GRIK2: variants seen among roughly 807,000 people sequenced by gnomAD.
GRIK2 encodes glutamate ionotropic receptor kainate type subunit 2, also known as glutamate receptor ionotropic, kainate 2.
In GRIK2, 32 loss-of-function variants were observed where a neutral mutation model predicts 100.3. The ratio of observed to expected loss-of-function variants is 0.32; its 90% CI spans 0.24 to 0.43. The LOEUF (loss-of-function observed/expected upper bound fraction) is 0.43. Ranked by LOEUF, GRIK2 falls within the 20% of genes least tolerant of loss-of-function variation. The probability of loss-of-function intolerance (pLI) is 1.00; values close to 1 mark genes in which losing one functional copy is unlikely to be tolerated. For missense variants in GRIK2, 843 were observed against 1,114.9 expected, an observed-to-expected ratio of 0.76 and a Z score of 3.47; for synonymous variants, 417 against 389.4, an observed-to-expected ratio of 1.07 and a Z score of -0.83.
intron 2 of GRIK2, among the ~76,000 whole-genome samples, chr6:101,423,982 A>T (rs1472625105): frequency 6.6e-6 from 1 of 152,144 alleles, no homozygotes; most frequent in Admixed American, 6.6e-5. Context: ...GGGAGTGGTA[A>T]ATGTCTACAG....
At chr6:101,869,925 T>C (rs1255163648) in intron 11 of GRIK2, among the ~76,000 whole-genome samples, 2 of 152,020 alleles carry the variant, frequency 1.3e-5, no homozygotes, top group Non-Finnish European at 2.9e-5. Flanking sequence ...ATTTTGGTTT[T>C]ATTATATCTG....
chr6:101,941,326 G>A (rs188567134), intron 14 of GRIK2, among the ~76,000 whole-genome samples: 267 of 152,146 alleles, frequency 1.8e-3, no homozygotes, highest in African/African-American at 6.1e-3. Flanking sequence ...TAAAGAATAA[G>A]AGAGTCTGGA....
chr6:101,867,764 TA>T (rs1427200447), intron 11 of GRIK2, among the ~76,000 whole-genome samples: 1 of 151,240 alleles, frequency 6.6e-6, no homozygotes, highest in Non-Finnish European at 1.5e-5. Context: ...TATTTATATA[TA>T]TTTTTAAATT....
Position 101,986,122 on chromosome 6 carries a change from C to A in GRIK2, c.2086-49219C>A, listed in dbSNP as rs1220957607. On this transcript the variant is annotated intron_variant, in intron 14 of 16. Coordinates refer to ENST00000369134, the MANE Select transcript of GRIK2 (RefSeq NM_021956.5). Reference sequence around the variant, plus strand: ...CTTGCAAATTAGCAATTAAATTGAACTAGATGCACTCGTGATGTGATTTAA... The same window carrying A: ...CTTGCAAATTAGCAATTAAATTGAAATAGATGCACTCGTGATGTGATTTAA... 4.6e-5 allele frequency among the ~76,000 whole-genome samples: 7 copies of A among 151,732 alleles called. No homozygotes were observed. The South Asian group carries it at 8.3e-4, about 18-fold the overall frequency.
intron 2 of GRIK2, among the ~76,000 whole-genome samples, chr6:101,578,699 T>C (rs1302399396): frequency 6.6e-6 from 1 of 152,122 alleles, no homozygotes; most frequent in African/African-American, 2.4e-5. Context: ...CACCTGAATA[T>C]TCCTCTTTGG....
chr6:101,539,254 A>G (rs1450176256), intron 2 of GRIK2, among the ~76,000 whole-genome samples: 1 of 151,798 alleles, frequency 6.6e-6, no homozygotes, highest in African/African-American at 2.4e-5. Context: ...TATAACTACC[A>G]GATTGTAATA....
intron 2 of GRIK2, among the ~76,000 whole-genome samples, chr6:101,413,053 A>T (rs1457696026): frequency 6.6e-6 from 1 of 152,082 alleles, no homozygotes; most frequent in Non-Finnish European, 1.5e-5. Context: ...TTTAAAATAC[A>T]AAACTAGGAT....
chr6:101,480,855 T>C (rs775804827), intron 2 of GRIK2, among the ~76,000 whole-genome samples: 2 of 152,102 alleles, frequency 1.3e-5, no homozygotes, highest in Non-Finnish European at 2.9e-5. Flanking sequence ...ATGACAAATA[T>C]TGGTAAAGAA....
intron 10 of GRIK2, among the ~76,000 whole-genome samples, chr6:101,837,235 G>A (rs1783187108): frequency 6.6e-6 from 1 of 152,136 alleles, no homozygotes; most frequent in Non-Finnish European, 1.5e-5. Context: ...ATGAAACCCA[G>A]ACAGTATTGT....
chr6:101,675,081 A>C (rs1194097371), intron 4 of GRIK2, among the ~76,000 whole-genome samples: 1 of 152,222 alleles, frequency 6.6e-6, no homozygotes, highest in East Asian at 1.9e-4. Context: ...ATTGTTAACT[A>C]TAGTAATCCT....
intron 12 of GRIK2, among the ~76,000 whole-genome samples, chr6:101,902,770 CTT>C (rs1291512696): frequency 6.6e-6 from 1 of 151,746 alleles, no homozygotes; most frequent in Non-Finnish European, 1.5e-5. Flanking sequence ...GAATAAAACT[CTT>C]TAAGATAATT....
At chr6:101,412,874 GA>G (rs1303657024) in intron 2 of GRIK2, among the ~76,000 whole-genome samples, 2 of 151,660 alleles carry the variant, frequency 1.3e-5, no homozygotes, top group African/African-American at 2.4e-5. Flanking sequence ...TGTAGAATGT[GA>G]AAAAAAATTC....
Position 102,029,222 on chromosome 6 carries a change from A to G in GRIK2, c.2086-6119A>G, listed in dbSNP as rs1430978287. 2.0e-5 allele frequency among the ~76,000 whole-genome samples: 3 copies of G among 151,052 alleles called. 1 individual carries two copies. The highest frequency in any genetic ancestry group is 7.3e-5 in the African/African-American group (3 of 41,262). Reference sequence around the variant, plus strand: ...CTGATCAGCTTAGTCCTTATGTTTGATTTTAATCAGGTCCCTTGGCAATGA... The same window carrying G: ...CTGATCAGCTTAGTCCTTATGTTTGGTTTTAATCAGGTCCCTTGGCAATGA... On this transcript the variant is annotated intron_variant, in intron 14 of 16. Transcript: ENST00000369134.
chr6:101,550,092 G>A (rs1776433377), intron 2 of GRIK2, among the ~76,000 whole-genome samples: 1 of 152,140 alleles, frequency 6.6e-6, no homozygotes, highest in Admixed American at 6.5e-5. Flanking sequence ...CTATTGCTAA[G>A]ATGCACAAAA....
chr6:101,849,813 G>GGT (rs1784022775), intron 10 of GRIK2, among the ~76,000 whole-genome samples: 3 of 53,892 alleles, frequency 5.6e-5, no homozygotes, highest in Admixed American at 2.5e-4. Flanking sequence ...AAAAAGGAGG[G>GGT]TTTTTTTTTT....
intron 14 of GRIK2, among the ~76,000 whole-genome samples, chr6:101,931,064 A>G (rs1180003394): frequency 6.6e-6 from 1 of 152,164 alleles, no homozygotes; most frequent in Non-Finnish European, 1.5e-5. Flanking sequence ...AAAGAAAATT[A>G]GAACTCACAA....
chr6:101,717,325 T>C (rs1774142398), intron 7 of GRIK2, among the ~76,000 whole-genome samples: 1 of 144,468 alleles, frequency 6.9e-6, no homozygotes, highest in South Asian at 2.3e-4. Context: ...TCTCCAATAA[T>C]AACACTTTTT....
intron 7 of GRIK2, among the ~76,000 whole-genome samples, chr6:101,796,149 A>G (rs1237315565): frequency 1.3e-5 from 2 of 152,150 alleles, no homozygotes; most frequent in African/African-American, 2.4e-5. Flanking sequence ...CTCTACGTCT[A>G]TATGCTATGG....
At chr6:101,552,949 G>A (rs1397882032) in intron 2 of GRIK2, among the ~76,000 whole-genome samples, 4 of 152,110 alleles carry the variant, frequency 2.6e-5, no homozygotes, top group Admixed American at 2.6e-4. Flanking sequence ...CAATTGTAAT[G>A]CTCTTTAACT....
Sources: gnomAD v4.1 joint callset for allele counts (sites outside exome capture counted in the v4.1 genomes callset) on GRCh38, gnomAD v4.1.1 for gene constraint, MANE v1.5 for transcripts, NCBI Gene and HGNC (gene_info 2026-07-23, HGNC 2026-07-21) for gene names.